The following CHD6 variants were observed in gnomAD, a reference collection of about 807,000 sequenced individuals.
CHD6 encodes ATP-dependent chromatin remodeler CHD6.
In CHD6, 50 loss-of-function variants were observed where a neutral mutation model predicts 276.9. That is an observed-to-expected ratio of 0.18 (90% CI 0.14 to 0.23). CHD6 has a LOEUF of 0.23. Ranked by LOEUF, CHD6 falls within the 10% of genes least tolerant of loss-of-function variation. CHD6 has a pLI of 1.00. For synonymous variants in CHD6, 1,173 were observed against 1,229.3 expected, an observed-to-expected ratio of 0.95 and a Z score of 0.96; for missense variants, 2,564 against 3,365.8, an observed-to-expected ratio of 0.76 and a Z score of 5.89.
At chr20:41,605,925 A>G (rs1195099723) in intron 1 of CHD6, among the ~76,000 whole-genome samples, 1 of 152,210 alleles carries the variant, frequency 6.6e-6, no homozygotes, top group Non-Finnish European at 1.5e-5. Context: ...AGAACCTACT[A>G]TGTACAAACC....
intron 3 of CHD6, among the ~76,000 whole-genome samples, chr20:41,523,857 C>T (rs2044463701): frequency 6.6e-6 from 1 of 152,156 alleles, no homozygotes; most frequent in African/African-American, 2.4e-5. Context: ...TCTTTTATGG[C>T]TCTGTCCCCG....
At chr20:41,553,669 G>C (rs2045179145) in intron 1 of CHD6, among the ~76,000 whole-genome samples, 1 of 152,192 alleles carries the variant, frequency 6.6e-6, no homozygotes, top group African/African-American at 2.4e-5. Context: ...CCTTTGTTCA[G>C]GTGTGCTCTC....
intron 1 of CHD6, among the ~76,000 whole-genome samples, chr20:41,569,761 A>G (rs1023394791): frequency 2.0e-5 from 3 of 152,384 alleles, no homozygotes; most frequent in Middle Eastern, 3.4e-3. Flanking sequence ...TTTTTAAAAT[A>G]CAGTACAACA....
chr20:41,519,727 G>A (rs1423775182), intron 3 of CHD6, among the ~76,000 whole-genome samples: 1 of 152,138 alleles, frequency 6.6e-6, no homozygotes, highest in Non-Finnish European at 1.5e-5. Context: ...AACCCTAGAA[G>A]AAAATCTAGG....
chr20:41,416,893 G>C (rs3817892), intron 32 of CHD6, 99 bp from the exon 33 acceptor site: 1 of 1,004,108 alleles, frequency 1.0e-6, no homozygotes, highest in Non-Finnish European at 1.4e-6. Context: ...AGAAGGAGTC[G>C]ATAAGAAAAG....
At chr20:41,519,611 T>A (rs1293776776) in intron 3 of CHD6, among the ~76,000 whole-genome samples, 1 of 152,200 alleles carries the variant, frequency 6.6e-6, no homozygotes, top group Non-Finnish European at 1.5e-5. Flanking sequence ...CTGGGAAAAC[T>A]GGCTAGCCAT....
intron 27 of CHD6, among the ~76,000 whole-genome samples, chr20:41,434,540 T>C (rs916833785): frequency 6.6e-6 from 1 of 152,100 alleles, no homozygotes; most frequent in Non-Finnish European, 1.5e-5. Context: ...CTGGCTAATT[T>C]TGTATTTTTC....
At chr20:41,580,828 T>C (rs1302068657) in intron 1 of CHD6, among the ~76,000 whole-genome samples, 1 of 152,172 alleles carries the variant, frequency 6.6e-6, no homozygotes, top group Admixed American at 6.5e-5. Flanking sequence ...CATTTGGTTG[T>C]AGTGAAAGCT....
At chr20:41,502,722 G>T (rs1038510883) in intron 5 of CHD6, among the ~76,000 whole-genome samples, 3 of 152,170 alleles carry the variant, frequency 2.0e-5, no homozygotes, top group Non-Finnish European at 2.9e-5. Context: ...ATAACCATAT[G>T]TGGCTGGGCA....
At chr20:41,469,491 G>T (rs758981180) in intron 17 of CHD6, among the ~76,000 whole-genome samples, 2 of 152,140 alleles carry the variant, frequency 1.3e-5, no homozygotes, top group Non-Finnish European at 2.9e-5. Flanking sequence ...CAGCAACAGT[G>T]GCCTACTCCT....
rs778765736 is a variant in CHD6, at chr20:41,421,074, T to C, written c.5561A>G (p.Glu1854Gly). Residue 1854 changes from glutamate (E) to glycine (G), a missense_variant, in exon 31 of 37, where the codon GAA becomes GGA. By Grantham distance (98) the Glu-to-Gly change is moderately conservative (BLOSUM62 -2). Coordinates refer to ENST00000373233, the MANE Select transcript of CHD6 (RefSeq NM_032221.5). The stretch of plus-strand genomic sequence containing the variant: ...GTTCTGACTCAAAATCAATTTACTT[T>C]CTAAGCTTTTGTTTTCCAATAAATC... ...LIDLLENKSL[E>G]SKLILSQNHS... 12 of 1,613,860 alleles carry C rather than the reference T, an allele frequency of 7.4e-6. No homozygotes were observed. In the East Asian group the frequency reaches 2.7e-4, roughly 36 times the overall value.
chr20:41,603,965 T>G (rs1406693447), intron 1 of CHD6, among the ~76,000 whole-genome samples: 1 of 143,964 alleles, frequency 6.9e-6, no homozygotes, highest in South Asian at 2.2e-4. Context: ...GGCCTTACCC[T>G]GGGTTCACCT....
At chr20:41,515,472 C>A (rs998790764) in intron 3 of CHD6, among the ~76,000 whole-genome samples, 4 of 152,152 alleles carry the variant, frequency 2.6e-5, no homozygotes, top group Non-Finnish European at 5.9e-5. Flanking sequence ...CAGCCCAAGG[C>A]AGTACATGAA....
At chr20:41,602,843 G>C (rs1488933859) in intron 1 of CHD6, among the ~76,000 whole-genome samples, 1 of 151,878 alleles carries the variant, frequency 6.6e-6, no homozygotes, top group African/African-American at 2.4e-5. Context: ...CACCACACCG[G>C]GCTAATTTTT....
chr20:41,581,741 C>A (rs1386968049), intron 1 of CHD6, among the ~76,000 whole-genome samples: 1 of 151,840 alleles, frequency 6.6e-6, no homozygotes, highest in Non-Finnish European at 1.5e-5. Flanking sequence ...AAAAGTAAAT[C>A]TACTAGTACC....
intron 1 of CHD6, among the ~76,000 whole-genome samples, chr20:41,604,053 C>T (rs919123713): frequency 7.9e-5 from 12 of 151,840 alleles, no homozygotes; most frequent in Non-Finnish European, 1.3e-4. Flanking sequence ...TCAGGGAGAA[C>T]AGGGGCTGCT....
intron 23 of CHD6, among the ~76,000 whole-genome samples, chr20:41,449,110 C>A (rs1211086671): frequency 9.2e-5 from 14 of 152,126 alleles, no homozygotes; most frequent in Non-Finnish European, 1.9e-4. Flanking sequence ...ACCATGTTGG[C>A]CAGGCTGGTC....
chr20:41,488,328 G>C (rs1056095215), intron 13 of CHD6, 100 bp downstream of exon 13: 1 of 1,091,946 alleles, frequency 9.2e-7, no homozygotes, highest in Admixed American at 2.4e-5. Flanking sequence ...AATGTAAAAC[G>C]ACTAGGCAGA....
intron 1 of CHD6, among the ~76,000 whole-genome samples, chr20:41,612,554 C>T (rs2146309651): frequency 6.6e-6 from 1 of 152,264 alleles, no homozygotes; most frequent in South Asian, 2.1e-4. Flanking sequence ...ATTTAGACTG[C>T]CAGCAGTGCA....
Sources: gnomAD v4.1 joint callset for allele counts (sites outside exome capture counted in the v4.1 genomes callset) on GRCh38, gnomAD v4.1.1 for gene constraint, MANE v1.5 for transcripts, NCBI Gene and HGNC (gene_info 2026-07-23, HGNC 2026-07-21) for gene names.